Variants in NYNRIN observed in about 807,000 individuals in gnomAD.
The protein encoded by NYNRIN is NYN domain and retroviral integrase containing, also known as protein NYNRIN.
NYNRIN carries 86 observed loss-of-function variants against 146.6 expected under a neutral mutation model. The ratio of observed to expected loss-of-function variants is 0.59; its 90% CI spans 0.49 to 0.70. The LOEUF is 0.70. Ranked by LOEUF, NYNRIN falls within the 30% of genes least tolerant of loss-of-function variation. The probability of loss-of-function intolerance (pLI) is 0.00; values close to 1 mark genes in which losing one functional copy is unlikely to be tolerated. For missense variants in NYNRIN, 2,191 were observed against 2,377.7 expected (o/e 0.92, Z 1.63); for synonymous variants, 1,027 against 1,001.3 (o/e 1.03, Z -0.48).
chr14:24,399,733 T>A (rs1392328798), intron 2 of NYNRIN, among the ~76,000 whole-genome samples: 1 of 152,090 alleles, frequency 6.6e-6, no homozygotes, highest in Admixed American at 6.6e-5. Flanking sequence ...GTGTCCCCCA[T>A]GAGACTTCCC....
chr14:24,408,934 C>G lies in NYNRIN; in HGVS notation c.1140C>G (p.Ala380=). 1.2e-6 allele frequency: 2 copies of G among 1,614,016 alleles called. No individual in the cohort carries two copies. The highest frequency in any genetic ancestry group is 8.5e-7 in the Non-Finnish European group (1 of 1,179,890). ...RINELHSLHL[A]WLLSQACFNF... ...ATGAGCTGCATTCTCTACATCTGGC[C>G]TGGCTCCTGTCCCAGGCGTGCTTCA... is the stretch of plus-strand genomic sequence containing the variant. Residue 380 remains alanine (A), a synonymous_variant, in exon 4 of 9, where the codon GCC becomes GCG. Coordinates refer to ENST00000382554, the MANE Select transcript of NYNRIN (RefSeq NM_025081.3).
In NYNRIN at chr14:24,416,661, G is replaced by A. The variant is rs2042949739; in HGVS notation, c.4912G>A (p.Val1638Met). Reference sequence around the variant, plus strand: ...GGAGGGCCATAAGCATGTACTTATTGTGGCTGACCCAAACACCAGGTGGGT... The same window carrying A: ...GGAGGGCCATAAGCATGTACTTATTATGGCTGACCCAAACACCAGGTGGGT... ...SEEGHKHVLIVADPNTRWVEA... is the reference protein window; with the variant it reads ...SEEGHKHVLIMADPNTRWVEA... The change falls in exon 9 of 9, where the codon GTG becomes ATG. Residue 1638 changes from valine (V) to methionine (M), a missense_variant. Around this residue, in one of 3 missense-constraint regions of NYNRIN, gnomAD observed 1,291 missense variants for 1,417.0 expected, o/e 0.91. Transcript: ENST00000382554. 1 of 1,613,956 alleles carries A rather than the reference G, an allele frequency of 6.2e-7. No individual in the cohort carries two copies. The highest frequency in any genetic ancestry group is 1.3e-5 in the African/African-American group (1 of 75,062).
In NYNRIN at chr14:24,416,329, G is replaced by T; in HGVS notation, c.4580G>T (p.Gly1527Val). The T allele has an allele frequency of 6.2e-7, 1 of 1,613,776 alleles. No homozygotes were observed. The highest frequency in any genetic ancestry group is 1.3e-5 in the African/African-American group (1 of 75,038). ...DKESGLLMFK[G>V]DKKPRVWVVP... The stretch of plus-strand genomic sequence containing the variant: ...GAGAGTGGCCTGCTTATGTTCAAGG[G>T]AGATAAGAAGCCCAGGGTCTGGGTA... Residue 1527 changes from glycine (G) to valine (V), a missense_variant, in exon 9 of 9, where the codon GGA becomes GTA. Physicochemically the swap from Gly to Val is moderately radical, Grantham distance 109. Transcript: ENST00000382554.
intron 4 of NYNRIN, 101 bp from the exon 5 acceptor site, chr14:24,410,975 A>C: frequency 1.4e-6 from 2 of 1,418,608 alleles, no homozygotes; most frequent in Non-Finnish European, 2.0e-6. Flanking sequence ...AGAGGGCATC[A>C]TTGGTGTCCT....
intron 2 of NYNRIN, among the ~76,000 whole-genome samples, chr14:24,406,299 GAGAA>G (rs2042875684): frequency 6.6e-6 from 1 of 151,918 alleles, no homozygotes. Context: ...TCTGCAGAAA[GAGAA>G]AGAAGCCACC....
At chr14:24,414,192 T>C (rs1267985430) in intron 8 of NYNRIN, among the ~76,000 whole-genome samples, 2 of 152,248 alleles carry the variant, frequency 1.3e-5, no homozygotes, top group Non-Finnish European at 2.9e-5. Flanking sequence ...TGGATGAGGT[T>C]TGTCTGCTGT....
At position 24,415,459 on chromosome 14, in the gene NYNRIN, G is replaced by A. The variant is rs1391536662; in HGVS notation, c.3710G>A (p.Arg1237Gln). Residue 1237 changes from arginine (R) to glutamine (Q), a missense_variant, in exon 9 of 9, where the codon CGG (arginine) becomes CAG (glutamine). Physicochemically the swap from Arg to Gln is conservative, Grantham distance 43. Around this residue, in one of 3 missense-constraint regions of NYNRIN, gnomAD observed 1,291 missense variants for 1,417.0 expected, o/e 0.91. Transcript: ENST00000382554. The part of the protein sequence containing the change: ...PVVLDLSYAS[R>Q]TTADPEVREG... Reference sequence around the variant, plus strand: ...GTCCTGGACCTTTCCTATGCCTCCCGGACCACTGCGGACCCTGAGGTGCGG... The same window carrying A: ...GTCCTGGACCTTTCCTATGCCTCCCAGACCACTGCGGACCCTGAGGTGCGG... 5.6e-6 allele frequency: 9 copies of A among 1,613,740 alleles called. No homozygotes were observed. The highest frequency in any genetic ancestry group is 2.2e-5 in the East Asian group (1 of 44,878).
In NYNRIN at chr14:24,416,253, T is replaced by C; in HGVS notation, c.4504T>C (p.Ser1502Pro). ...CAGGCTGCAGGCTGGGCAGAAACTGTCTGGCTCCTCACCGTTTAGTTCTGC... is the reference window on the plus strand; with the variant it reads ...CAGGCTGCAGGCTGGGCAGAAACTGCCTGGCTCCTCACCGTTTAGTTCTGC... ...IARLQAGQKL[S>P]GSSPFSSAFN... Residue 1502 changes from serine (S) to proline (P), a missense_variant, in exon 9 of 9, where the codon TCT (serine) becomes CCT (proline). Physicochemically the swap from Ser to Pro is moderately conservative, Grantham distance 74. This residue lies in a region of NYNRIN where 1,291 missense variants were observed against 1,417.0 expected (regional missense o/e 0.91). Transcript: ENST00000382554. The C allele has an allele frequency of 6.2e-7, 1 of 1,613,874 alleles. No homozygotes were observed. Among genetic ancestry groups the C allele is most frequent in the African/African-American group, 1.3e-5 (1 of 75,030 alleles).
At chr14:24,400,791 T>A (rs1051306226) in intron 2 of NYNRIN, among the ~76,000 whole-genome samples, 7 of 151,378 alleles carry the variant, frequency 4.6e-5, no homozygotes, top group Admixed American at 2.0e-4. Context: ...TTTTCTTTTT[T>A]TTTTTTTTTT....
rs755678771 is a variant in NYNRIN, at chr14:24,409,526, G to A, written c.1732G>A (p.Ala578Thr). The change falls in exon 4 of 9, where the codon GCA (alanine) becomes ACA (threonine). Residue 578 changes from alanine to threonine, a missense_variant. Transcript: ENST00000382554. Reference sequence around the variant, plus strand: ...ACTGCCTACATCTCGAATGATGCTGGCAGTGCACACAGAGCCTGCAGCTCC... The same window carrying A: ...ACTGCCTACATCTCGAATGATGCTGACAGTGCACACAGAGCCTGCAGCTCC... ...PKLPTSRMML[A>T]VHTEPAAPEV... 7 of 1,612,880 alleles carry A rather than the reference G, an allele frequency of 4.3e-6. No homozygotes were observed. In the South Asian group the frequency reaches 7.7e-5, roughly 18 times the overall value.
At position 24,408,438 on chromosome 14, in the gene NYNRIN, A is replaced by T; in HGVS notation, c.768A>T (p.Glu256Asp). The stretch of plus-strand genomic sequence containing the variant: ...GGACCCTCCAGAACAGGGGCCCAGA[A>T]AATTCAAAGAGATTATCTAGCCTGG... ...DMGTLQNRGP[E>D]NSKRLSSLGA... Residue 256 changes from glutamate (E) to aspartate (D), a missense_variant, in exon 3 of 9, where the codon GAA (glutamate) becomes GAT (aspartate). By Grantham distance (45) the Glu-to-Asp change is conservative. This residue lies in a region of NYNRIN where 895 missense variants were observed against 941.2 expected (regional missense o/e 0.95). Transcript: ENST00000382554. The T allele has an allele frequency of 1.9e-6, 3 of 1,613,130 alleles. No individual in the cohort carries two copies. The highest frequency in any genetic ancestry group is 2.5e-6 in the Non-Finnish European group (3 of 1,179,554).
In NYNRIN at chr14:24,416,988, G is replaced by A. The variant is rs1171535380; in HGVS notation, c.5239G>A (p.Ala1747Thr). ...WAASLPLLHLAFRASSTDATP... is the reference protein window; with the variant it reads ...WAASLPLLHLTFRASSTDATP... The stretch of plus-strand genomic sequence containing the variant: ...GGCCTCCCTGCCTTTGCTGCACCTG[G>A]CCTTCAGGGCCTCCTCCACTGATGC... Residue 1747 changes from alanine (A) to threonine (T), a missense_variant, in exon 9 of 9, where the codon GCC becomes ACC. This residue lies in a region of NYNRIN where 1,291 missense variants were observed against 1,417.0 expected (regional missense o/e 0.91). Coordinates refer to ENST00000382554, the MANE Select transcript of NYNRIN (RefSeq NM_025081.3). 6.3e-7 allele frequency: 1 copy of A among 1,584,724 alleles called. No homozygotes were observed. Among genetic ancestry groups the A allele is most frequent in the Non-Finnish European group, 8.6e-7 (1 of 1,163,826 alleles).
chr14:24,417,327 C>T lies in NYNRIN; in HGVS notation c.5578C>T (p.Leu1860Phe), dbSNP rs1174108616. Residue 1860 changes from leucine to phenylalanine, a missense_variant, in exon 9 of 9, where the codon CTC becomes TTC. Physicochemically the swap from Leu to Phe is conservative, Grantham distance 22. Coordinates refer to ENST00000382554, the MANE Select transcript of NYNRIN (RefSeq NM_025081.3). ...TATCGGGGACCGGCTGAGCCTGTCA[C>T]TCTATAGGATATGGGGCTTCCCAAC... ...FYIGDRLSLS[L>F]YRIWGFPTPE... The T allele has an allele frequency of 3.1e-6, 5 of 1,611,058 alleles. No homozygotes were observed. Among genetic ancestry groups the T allele is most frequent in the Non-Finnish European group, 4.2e-6 (5 of 1,178,552 alleles).
chr14:24,401,865 A>G (rs1016262707), intron 2 of NYNRIN, among the ~76,000 whole-genome samples: 1 of 152,256 alleles, frequency 6.6e-6, no homozygotes, highest in African/African-American at 2.4e-5. Flanking sequence ...GATCTGACAC[A>G]TGAACATTTC....
chr14:24,408,942 T>A lies in NYNRIN; in HGVS notation c.1148T>A (p.Leu383Gln). The A allele has an allele frequency of 3.7e-6, 6 of 1,613,988 alleles. No homozygotes were observed. The highest frequency in any genetic ancestry group is 5.1e-6 in the Non-Finnish European group (6 of 1,179,880). Residue 383 changes from leucine (L) to glutamine (Q), a missense_variant, in exon 4 of 9, where the codon CTG becomes CAG. Physicochemically the swap from Leu to Gln is moderately radical, Grantham distance 113. This residue lies in a region of NYNRIN where 895 missense variants were observed against 941.2 expected (regional missense o/e 0.95). Coordinates refer to ENST00000382554, the MANE Select transcript of NYNRIN (RefSeq NM_025081.3). ...CATTCTCTACATCTGGCCTGGCTCC[T>A]GTCCCAGGCGTGCTTCAATTTCCCC... ...ELHSLHLAWLLSQACFNFPFW... is the reference protein window; with the variant it reads ...ELHSLHLAWLQSQACFNFPFW...
At chr14:24,405,350 G>A (rs1404855419) in intron 2 of NYNRIN, among the ~76,000 whole-genome samples, 4 of 152,140 alleles carry the variant, frequency 2.6e-5, no homozygotes, top group Non-Finnish European at 5.9e-5. Context: ...TCATATAAAT[G>A]CTTTTATTTA....
At position 24,413,302 on chromosome 14, in the gene NYNRIN, C is replaced by G. The variant is rs762088824; in HGVS notation, c.2745-14C>G. ...GGCTCACAGTGACTGTGCCTCTTCT[C>G]CCCCTGGGCCCAGCTTGCTGCCTTT... On this transcript the variant is annotated splice_polypyrimidine_tract_variant and intron_variant, in intron 7 of 8. Transcript: ENST00000382554. 30 of 1,606,900 alleles carry G rather than the reference C, an allele frequency of 1.9e-5. No homozygotes were observed. The highest frequency in any genetic ancestry group is 2.5e-5 in the Non-Finnish European group (29 of 1,176,204).
chr14:24,411,384 T>A lies in NYNRIN; in HGVS notation c.2576T>A (p.Leu859His). ...CACTTTCTGACGAAGCTACACTCGCTCAAGATGCTTTCAATCACACCCTCC... is the reference window on the plus strand; with the variant it reads ...CACTTTCTGACGAAGCTACACTCGCACAAGATGCTTTCAATCACACCCTCC... ...ESHFLTKLHS[L>H]KMLSITPSQL... Residue 859 changes from leucine to histidine, a missense_variant, in exon 6 of 9, where the codon CTC (leucine) becomes CAC (histidine). By Grantham distance (99) the Leu-to-His change is moderately conservative. This residue lies in a region of NYNRIN where 1,291 missense variants were observed against 1,417.0 expected (regional missense o/e 0.91). Coordinates refer to ENST00000382554, the MANE Select transcript of NYNRIN (RefSeq NM_025081.3). This position sits in a 1 kb window ranked among gnomAD's most constrained non-coding sequence, Gnocchi z 4.3. 6.2e-7 allele frequency: 1 copy of A among 1,613,960 alleles called. No individual in the cohort carries two copies. Among genetic ancestry groups the A allele is most frequent in the South Asian group, 1.1e-5 (1 of 91,078 alleles).
At position 24,418,618 on chromosome 14, in the gene NYNRIN, T is replaced by C. The variant is rs2042964399; in HGVS notation, c.*1172T>C. The C allele has an allele frequency of 5.9e-6, 1 of 168,516 alleles. No individual in the cohort carries two copies. The highest frequency in any genetic ancestry group is 6.0e-5 in the Admixed American group (1 of 16,782). The allele number at this position is 168,516 out of a possible 1,614,324, so 10.4% of individuals were successfully genotyped here. On this transcript the variant is annotated 3_prime_UTR_variant, in exon 9 of 9. Transcript: ENST00000382554. ...CACTCACCCTCTGAATTGCTGCCGC[T>C]GCCAAGGAAGTGGGCTCCAGGTGAA...
Sources: gnomAD v4.1 joint callset for allele counts (sites outside exome capture counted in the v4.1 genomes callset) on GRCh38, gnomAD v4.1.1 for gene constraint, gnomAD v4.1.1 regional missense constraint, Gnocchi (gnomAD v3.1) non-coding constraint, MANE v1.5 for transcripts, NCBI Gene and HGNC (gene_info 2026-07-23, HGNC 2026-07-21) for gene names.